The following SLC16A9 variants were observed in gnomAD, a reference collection of about 807,000 sequenced individuals.
The protein encoded by SLC16A9 is monocarboxylate transporter 9.
SLC16A9 carries 26 observed loss-of-function variants against 44.3 expected under a neutral mutation model. That is an observed-to-expected ratio of 0.59 (90% CI 0.43 to 0.81). The LOEUF (loss-of-function observed/expected upper bound fraction) is 0.81, where lower values mean the gene tolerates loss of function less well. SLC16A9 is among the 40% of genes least tolerant of loss of function. SLC16A9 has a pLI of 0.00. For synonymous variants in SLC16A9, 230 were observed against 225.1 expected (o/e 1.02, Z -0.19); for missense variants, 559 against 595.8 (o/e 0.94, Z 0.64).
Position 59,654,299 on chromosome 10 carries a change from C to T in SLC16A9, c.727G>A (p.Ala243Thr), listed in dbSNP as rs781085111. The T allele has an allele frequency of 1.9e-6, 3 of 1,614,156 alleles. No homozygotes were observed. The Admixed American group carries it at 5.0e-5, about 27-fold the overall frequency. Residue 243 changes from alanine to threonine, a missense_variant, in exon 5 of 6, where the codon GCC (alanine) becomes ACC (threonine). Ala to Thr is a moderately conservative substitution (Grantham distance 58, BLOSUM62 0). Coordinates refer to ENST00000395348, the MANE Select transcript of SLC16A9 (RefSeq NM_194298.3). Reference sequence around the variant, plus strand: ...CTGTCTTGTTTCCAGTCACCATTGGCTAACGTGATCCTGCATTTTTCCTCA... The same window carrying T: ...CTGTCTTGTTTCCAGTCACCATTGGTTAACGTGATCCTGCATTTTTCCTCA... ...SSEEKCRITL[A>T]NGDWKQDSLL...
intron 1 of SLC16A9, among the ~76,000 whole-genome samples, chr10:59,702,769 A>G (rs979146833): frequency 1.3e-5 from 2 of 152,220 alleles, no homozygotes; most frequent in African/African-American, 4.8e-5. Flanking sequence ...ATCCATATAA[A>G]TAGCTTTTTA....
At chr10:59,707,517 A>G (rs1299765252) in intron 1 of SLC16A9, among the ~76,000 whole-genome samples, 2 of 150,984 alleles carry the variant, frequency 1.3e-5, no homozygotes, top group Non-Finnish European at 2.9e-5. Flanking sequence ...CAACATAGTG[A>G]CTATAGTCAC....
chr10:59,659,244 AG>A (rs1839417615), intron 4 of SLC16A9, among the ~76,000 whole-genome samples: 1 of 152,174 alleles, frequency 6.6e-6, no homozygotes, highest in Non-Finnish European at 1.5e-5. Context: ...ATATGCACGT[AG>A]GTCAGTGAGA....
chr10:59,674,092 T>A (rs961207369), intron 2 of SLC16A9, among the ~76,000 whole-genome samples: 3 of 152,230 alleles, frequency 2.0e-5, no homozygotes, highest in African/African-American at 7.2e-5. Context: ...GTTCTTGGCA[T>A]GAATGTAATG....
At chr10:59,658,571 A>G (rs543472491) in intron 4 of SLC16A9, among the ~76,000 whole-genome samples, 1 of 152,290 alleles carries the variant, frequency 6.6e-6, no homozygotes, top group East Asian at 1.9e-4. Flanking sequence ...TACTGCCTCT[A>G]CAGCAAATAT....
chr10:59,687,979 AAAGG>A, intron 1 of SLC16A9, among the ~76,000 whole-genome samples: 1 of 151,604 alleles, frequency 6.6e-6, no homozygotes, highest in South Asian at 2.1e-4. Context: ...AAAAAAAAAA[AAAGG>A]AAAGAAAAGA....
intron 3 of SLC16A9, among the ~76,000 whole-genome samples, chr10:59,666,871 CAAA>C (rs34639816): frequency 1.3e-4 from 15 of 114,918 alleles, no homozygotes; most frequent in Middle Eastern, 4.7e-3. Flanking sequence ...TATTTTCCAG[CAAA>C]AAAAAAAAAA....
At chr10:59,703,154 G>T (rs1386378430) in intron 1 of SLC16A9, among the ~76,000 whole-genome samples, 1 of 152,200 alleles carries the variant, frequency 6.6e-6, no homozygotes, top group Non-Finnish European at 1.5e-5. Flanking sequence ...GGTCCTTGCT[G>T]TGTTGCCAGG....
rs550921913 is a variant in SLC16A9 at position 59,709,565 on chromosome 10, C to A, written c.-123G>T. 6.6e-6 allele frequency: 1 copy of A among 152,512 alleles called. No individual in the cohort carries two copies. The highest frequency in any genetic ancestry group is 2.1e-4 in the South Asian group (1 of 4,836). The allele number at this position is 152,512 out of a possible 1,614,324, so 9.4% of individuals were successfully genotyped here. A position where few individuals can be genotyped will look rare whatever the true frequency, so the allele number is the denominator to read the frequency against. On this transcript the variant is annotated 5_prime_UTR_variant, in exon 1 of 6. Coordinates refer to ENST00000395348, the MANE Select transcript of SLC16A9 (RefSeq NM_194298.3). ...CGGGCTGGTGGTGTGGTGGGGATCG[C>A]GGCCGCCGCTCTCCCCTGCAGCTCC... is the stretch of plus-strand genomic sequence containing the variant.
intron 1 of SLC16A9, among the ~76,000 whole-genome samples, chr10:59,706,223 C>T (rs1320465996): frequency 1.3e-5 from 2 of 151,952 alleles, no homozygotes; most frequent in African/African-American, 4.8e-5. Flanking sequence ...CTATTTTTCT[C>T]ACTAAACATT....
intron 3 of SLC16A9, among the ~76,000 whole-genome samples, chr10:59,668,818 A>T (rs933194925): frequency 2.6e-5 from 4 of 152,206 alleles, no homozygotes; most frequent in African/African-American, 9.6e-5. Context: ...ATAGTACCTT[A>T]TTACACCTGC....
chr10:59,679,343 C>A (rs1439190817), intron 2 of SLC16A9, among the ~76,000 whole-genome samples: 1 of 152,096 alleles, frequency 6.6e-6, no homozygotes, highest in Non-Finnish European at 1.5e-5. Context: ...AAAACAAAAC[C>A]AGTAGGAAGC....
chr10:59,659,543 T>C lies in SLC16A9; in HGVS notation c.436+4684A>G, dbSNP rs148397714. On this transcript the variant is annotated intron_variant, in intron 4 of 5. Transcript: ENST00000395348. ...TAAGGAGACTTAGACTCCCACACAA[T>C]AATAGTGGGAGGTTTTAACATCCCT... 1.7e-4 allele frequency among the ~76,000 whole-genome samples: 26 copies of C among 152,124 alleles called. No homozygotes were observed. The East Asian group carries it at 5.0e-3, about 29-fold the overall frequency.
intron 1 of SLC16A9, among the ~76,000 whole-genome samples, chr10:59,685,639 T>A (rs184676600): frequency 4.6e-5 from 7 of 152,368 alleles, no homozygotes; most frequent in Admixed American, 4.6e-4. Context: ...TCTTAGTTTG[T>A]TCGACCAGTC....
At position 59,672,782 on chromosome 10, in the gene SLC16A9, C is replaced by A. The variant is rs1280606598; in HGVS notation, c.328G>T (p.Gly110Cys). The part of the protein sequence containing the change: ...PNIYFLFFSY[G>C]IVVGLGCGLL... ...CGAGGTTCCTTACCTACAACAATGC[C>A]ATAGGAAAAAAACAGAAAGTAGATA... The change falls in exon 3 of 6, where the codon GGC (glycine) becomes TGC (cysteine). Residue 110 changes from glycine (G) to cysteine (C), a missense_variant. Coordinates refer to ENST00000395348, the MANE Select transcript of SLC16A9 (RefSeq NM_194298.3). 1 of 1,612,468 alleles carries A rather than the reference C, an allele frequency of 6.2e-7. No individual in the cohort carries two copies. Among genetic ancestry groups the A allele is most frequent in the South Asian group, 1.1e-5 (1 of 90,764 alleles).
At chr10:59,666,196 G>A (rs564056975) in intron 3 of SLC16A9, among the ~76,000 whole-genome samples, 3 of 151,980 alleles carry the variant, frequency 2.0e-5, no homozygotes, top group Non-Finnish European at 4.4e-5. Context: ...CTACTCAGGA[G>A]GCTGAGGCAA....
chr10:59,697,999 C>T (rs1347886533), intron 1 of SLC16A9, among the ~76,000 whole-genome samples: 1 of 148,972 alleles, frequency 6.7e-6, no homozygotes. Context: ...AACAAAAAAC[C>T]CTCAATAAAT....
At chr10:59,659,242 G>A (rs747548695) in intron 4 of SLC16A9, among the ~76,000 whole-genome samples, 4 of 152,066 alleles carry the variant, frequency 2.6e-5, no homozygotes, top group Admixed American at 1.3e-4. Context: ...GGATATGCAC[G>A]TAGGTCAGTG....
At chr10:59,663,653 A>G (rs1370389117) in intron 4 of SLC16A9, among the ~76,000 whole-genome samples, 4 of 152,052 alleles carry the variant, frequency 2.6e-5, no homozygotes, top group African/African-American at 9.7e-5. Context: ...GAAATACCTA[A>G]TGTAGATCAT....
Sources: gnomAD v4.1 joint callset for allele counts (sites outside exome capture counted in the v4.1 genomes callset) on GRCh38, gnomAD v4.1.1 for gene constraint, MANE v1.5 for transcripts, NCBI Gene and HGNC (gene_info 2026-07-23, HGNC 2026-07-21) for gene names.